The following INPP4B variants were observed in gnomAD, a reference collection of about 807,000 sequenced individuals.
INPP4B encodes the protein inositol polyphosphate-4-phosphatase type II B.
A neutral mutation model predicts 122.5 loss-of-function variants in INPP4B; 55 were observed. The observed-to-expected ratio is 0.45, with a 90% confidence interval of 0.36 to 0.56. The LOEUF (loss-of-function observed/expected upper bound fraction) is 0.56. INPP4B is among the 20% of genes least tolerant of loss of function. INPP4B has a pLI of 0.00. For synonymous variants in INPP4B, 403 were observed against 388.7 expected (o/e 1.04, Z -0.43); for missense variants, 1,000 against 1,097.7 (o/e 0.91, Z 1.26).
At chr4:142,199,110 C>T (rs946084657) in intron 14 of INPP4B, among the ~76,000 whole-genome samples, 1 of 152,018 alleles carries the variant, frequency 6.6e-6, no homozygotes, top group African/African-American at 2.4e-5. Flanking sequence ...TCTCTAGGCT[C>T]ACACAATGTA....
chr4:142,612,640 A>T (rs1217178518), intron 2 of INPP4B, among the ~76,000 whole-genome samples: 1 of 152,156 alleles, frequency 6.6e-6, no homozygotes, highest in Non-Finnish European at 1.5e-5. Flanking sequence ...GCAAAACTGC[A>T]ATTATTTTTG....
chr4:142,387,538 G>A (rs963174157), intron 7 of INPP4B, among the ~76,000 whole-genome samples: 1 of 151,750 alleles, frequency 6.6e-6, no homozygotes, highest in Non-Finnish European at 1.5e-5. Context: ...TGGCCTCCAA[G>A]GTTATATAGT....
At chr4:142,508,354 A>C (rs72946896) in intron 2 of INPP4B, among the ~76,000 whole-genome samples, 8,805 of 152,088 alleles carry the variant, frequency 0.058, 299 homozygotes, top group Admixed American at 0.079. Context: ...GCTCCCTGTA[A>C]CCTCTGCTCC....
Position 142,538,016 on chromosome 4 carries a change from G to C in INPP4B, c.-190-75290C>G, listed in dbSNP as rs1348116471. ...TACCTTAACTTTAAAAAGTGTTGGA[G>C]AACTTTTATACCTTAAAAAATAACA... On this transcript the variant is annotated intron_variant, in intron 2 of 25. Transcript: ENST00000262992. 2.6e-5 allele frequency among the ~76,000 whole-genome samples: 4 copies of C among 151,940 alleles called. 1 individual carries two copies. Among genetic ancestry groups the C allele is most frequent in the Admixed American group, 6.6e-5 (1 of 15,240 alleles).
intron 2 of INPP4B, among the ~76,000 whole-genome samples, chr4:142,639,462 G>C (rs1275173422): frequency 6.6e-6 from 1 of 152,138 alleles, no homozygotes; most frequent in African/African-American, 2.4e-5. Flanking sequence ...AGTTTTGGCA[G>C]ATTGTGTCTT....
At chr4:142,266,150 T>C (rs968488101) in intron 10 of INPP4B, among the ~76,000 whole-genome samples, 1 of 152,122 alleles carries the variant, frequency 6.6e-6, no homozygotes, top group African/African-American at 2.4e-5. Context: ...TCCTTGATCT[T>C]GATGCAAGTG....
chr4:142,315,845 G>A lies in INPP4B; in HGVS notation c.373-1083C>T, dbSNP rs538455903. On this transcript the variant is annotated intron_variant, in intron 7 of 25. Coordinates refer to ENST00000262992, the MANE Select transcript of INPP4B (RefSeq NM_001101669.3). ...GGAGCAACAGCCTAAAACACTTAAA[G>A]GATCAACATTTTAAGGGATCATTTT... 9.2e-5 allele frequency among the ~76,000 whole-genome samples: 14 copies of A among 151,810 alleles called. No individual in the cohort carries two copies. In the East Asian group the frequency reaches 2.7e-3, roughly 29 times the overall value.
chr4:142,268,036 G>A (rs957412336), intron 10 of INPP4B, among the ~76,000 whole-genome samples: 3 of 151,800 alleles, frequency 2.0e-5, no homozygotes, highest in African/African-American at 7.3e-5. Flanking sequence ...TCAAAATGAT[G>A]AGGGAGGCCA....
chr4:142,751,538 T>A (rs1052077661), intron 1 of INPP4B, among the ~76,000 whole-genome samples: 3 of 152,120 alleles, frequency 2.0e-5, no homozygotes, highest in Non-Finnish European at 4.4e-5. Flanking sequence ...CCTGAAAATC[T>A]TCAAGAAGCA....
chr4:142,228,378 T>C (rs1852579968), intron 12 of INPP4B, among the ~76,000 whole-genome samples: 1 of 152,122 alleles, frequency 6.6e-6, no homozygotes, highest in Non-Finnish European at 1.5e-5. Context: ...AAGCACATTG[T>C]ATGTAGAAAA....
chr4:142,319,338 A>G (rs1312826329), intron 7 of INPP4B, among the ~76,000 whole-genome samples: 2 of 152,216 alleles, frequency 1.3e-5, no homozygotes, highest in Non-Finnish European at 2.9e-5. Flanking sequence ...GTCTCTGATA[A>G]TGAATGTGTC....
intron 1 of INPP4B, among the ~76,000 whole-genome samples, chr4:142,751,175 C>G (rs2150949117): frequency 6.8e-6 from 1 of 146,386 alleles, no homozygotes; most frequent in African/African-American, 2.5e-5. Context: ...GGGCATTAGT[C>G]AAATGATAAA....
chr4:142,589,823 A>G (rs1009052552), intron 2 of INPP4B, among the ~76,000 whole-genome samples: 1 of 152,266 alleles, frequency 6.6e-6, no homozygotes, highest in Middle Eastern at 3.4e-3. Flanking sequence ...ACTACATGCA[A>G]ATTTTTATTG....
chr4:142,438,371 A>G lies in INPP4B; in HGVS notation c.-126-6986T>C, dbSNP rs1365549059. On this transcript the variant is annotated intron_variant, in intron 3 of 25. Transcript: ENST00000262992. The stretch of plus-strand genomic sequence containing the variant: ...AAACCAACAAATATAACAATGGAAT[A>G]TAATAGAGACCTCAGAAATAAGACC... Among the ~76,000 whole-genome samples, 4 of 152,202 alleles carry G rather than the reference A, an allele frequency of 2.6e-5. No individual in the cohort carries two copies. In the South Asian group the frequency reaches 8.3e-4, roughly 32 times the overall value.
intron 25 of INPP4B, among the ~76,000 whole-genome samples, chr4:142,040,377 A>G (rs1360458896): frequency 1.3e-5 from 2 of 152,194 alleles, no homozygotes; most frequent in African/African-American, 4.8e-5. Flanking sequence ...ACCGTAATGT[A>G]TAGGAAATGG....
intron 2 of INPP4B, among the ~76,000 whole-genome samples, chr4:142,650,877 G>C (rs1304158507): frequency 1.3e-5 from 2 of 152,268 alleles, no homozygotes; most frequent in East Asian, 3.9e-4. Flanking sequence ...GGACCTAATA[G>C]ACATCTACAG....
chr4:142,419,472 A>G (rs933920859), intron 5 of INPP4B, among the ~76,000 whole-genome samples: 1 of 152,146 alleles, frequency 6.6e-6, no homozygotes. Context: ...TGTGGATAAC[A>G]GCTGAGAATA....
intron 7 of INPP4B, chr4:142,347,595 C>A: frequency 5.6e-6 from 2 of 360,200 alleles, no homozygotes; most frequent in Non-Finnish European, 1.1e-5. Flanking sequence ...ATTTAATTTC[C>A]AACTTGGAAA....
intron 2 of INPP4B, among the ~76,000 whole-genome samples, chr4:142,573,429 C>T (rs1283002300): frequency 5.9e-5 from 9 of 152,060 alleles, no homozygotes; most frequent in Admixed American, 2.6e-4. Context: ...TAAAATAGTA[C>T]AGCAGGAAGA....
Sources: gnomAD v4.1 joint callset for allele counts (sites outside exome capture counted in the v4.1 genomes callset) on GRCh38, gnomAD v4.1.1 for gene constraint, MANE v1.5 for transcripts, NCBI Gene and HGNC (gene_info 2026-07-23, HGNC 2026-07-21) for gene names.